Variants in FBXL18 observed in about 807,000 individuals in gnomAD.
The protein encoded by FBXL18 is F-box and leucine rich repeat protein 18, also known as F-box/LRR-repeat protein 18.
In FBXL18, 36 loss-of-function variants were observed where a neutral mutation model predicts 46.0. The observed-to-expected ratio is 0.78, with a 90% CI of 0.60 to 1.03. The LOEUF is 1.03. FBXL18 is among the 50% of genes least tolerant of loss of function. The pLI, the probability that FBXL18 is intolerant of heterozygous loss-of-function variation, is 0.00. For synonymous variants in FBXL18, 557 were observed against 465.3 expected, an observed-to-expected ratio of 1.20 and a Z score of -2.54; for missense variants, 977 against 1,004.1, an observed-to-expected ratio of 0.97 and a Z score of 0.36.
intron 3 of FBXL18, among the ~76,000 whole-genome samples, chr7:5,498,080 C>CT (rs767982897): frequency 0.014 from 1,882 of 139,014 alleles, 35 homozygotes; most frequent in African/African-American, 0.036. Context: ...TTTCTTTTTA[C>CT]TTTTTTTTTT....
chr7:5,459,328 C>G (rs1174573439), intron 4 of FBXL18, among the ~76,000 whole-genome samples: 2 of 151,942 alleles, frequency 1.3e-5, no homozygotes, highest in Non-Finnish European at 2.9e-5. Flanking sequence ...GGGGGCCGGG[C>G]GTGGTGGTTC....
At chr7:5,475,334 T>A (rs1449689811), downstream of FBXL18, among the ~76,000 whole-genome samples, 6 of 151,856 alleles carry the variant, frequency 4.0e-5, no homozygotes, top group Non-Finnish European at 8.8e-5. The surrounding 1 kb of genome is among the most constrained non-coding windows in gnomAD (Gnocchi z 4.2). Flanking sequence ...AAAATAATAA[T>A]AAAATAAAAT....
chr7:5,491,867 G>T (rs1315915146), intron 3 of FBXL18, among the ~76,000 whole-genome samples: 1 of 152,164 alleles, frequency 6.6e-6, no homozygotes, highest in African/African-American at 2.4e-5. Flanking sequence ...AGCTCAGCTG[G>T]ACAGGGAGGC....
rs1373439680 is a variant in FBXL18 at position 5,501,091 on chromosome 7, G to A, written c.1178C>T (p.Ala393Val). ...CAGGCCCTCCGAGCTGTGGTGGTGG[G>A]CGGCCGAGAGGTTCAGGTGGCGCAG... ...CNLRHLNLSA[A>V]HHHSSEGLGR... is the part of the protein sequence containing the mutation. The change falls in exon 3 of 5, where the codon GCC becomes GTC. Residue 393 changes from alanine to valine, a missense_variant. Ala to Val is a moderately conservative substitution (Grantham distance 64, BLOSUM62 0). Coordinates refer to ENST00000382368, the MANE Select transcript of FBXL18 (RefSeq NM_024963.6). 7 of 1,612,172 alleles carry A rather than the reference G, an allele frequency of 4.3e-6. No homozygotes were observed. The Admixed American group carries it at 6.7e-5, about 15-fold the overall frequency.
chr7:5,508,702 G>A (rs1348293156), intron 1 of FBXL18, among the ~76,000 whole-genome samples: 1 of 152,028 alleles, frequency 6.6e-6, no homozygotes, highest in Non-Finnish European at 1.5e-5. Flanking sequence ...TCCCAAATCA[G>A]GGACAACCTT....
chr7:5,454,740 G>A (rs1030032624), intron 4 of FBXL18, among the ~76,000 whole-genome samples: 2 of 152,166 alleles, frequency 1.3e-5, no homozygotes, highest in Admixed American at 1.3e-4. Flanking sequence ...GCCGAGGACA[G>A]GGACACCCTC....
intron 4 of FBXL18, among the ~76,000 whole-genome samples, chr7:5,463,729 T>TTTTTTTTTA (rs1783296711): frequency 9.9e-5 from 1 of 10,064 alleles, no homozygotes; most frequent in Admixed American, 9.9e-4. Context: ...TATTTATTTA[T>TTTTTTTTTA]TTTTTTTTTT....
At chr7:5,505,276 G>T in intron 2 of FBXL18, 136 bp downstream of exon 2, 2 of 775,048 alleles carry the variant, frequency 2.6e-6, no homozygotes, top group South Asian at 1.8e-5. Flanking sequence ...AATGCATCCT[G>T]CAGACGGCGC....
chr7:5,456,105 C>G (rs916406605), intron 4 of FBXL18, among the ~76,000 whole-genome samples: 4 of 152,166 alleles, frequency 2.6e-5, no homozygotes, highest in Admixed American at 2.0e-4. Flanking sequence ...ACTGGCAACT[C>G]CTGCTCCCAC....
intron 1 of FBXL18, among the ~76,000 whole-genome samples, chr7:5,510,683 C>T (rs1784510259): frequency 7.0e-6 from 1 of 143,066 alleles, no homozygotes; most frequent in African/African-American, 2.7e-5. Context: ...GAGATCCTGT[C>T]TCCAAAAAAA....
At chr7:5,498,332 C>T (rs1332318121) in intron 3 of FBXL18, among the ~76,000 whole-genome samples, 4 of 152,168 alleles carry the variant, frequency 2.6e-5, no homozygotes, top group Middle Eastern at 3.2e-3. Context: ...ATGATCCACC[C>T]GCCTCGGCCT....
chr7:5,482,313 C>A (rs1584202651), intron 4 of FBXL18, among the ~76,000 whole-genome samples: 1 of 152,210 alleles, frequency 6.6e-6, no homozygotes, highest in African/African-American at 2.4e-5. Context: ...CCCACGGAAG[C>A]CCCACGGCCA....
chr7:5,493,027 G>A (rs1783971282), intron 3 of FBXL18, among the ~76,000 whole-genome samples: 2 of 152,126 alleles, frequency 1.3e-5, no homozygotes, highest in African/African-American at 4.8e-5. Flanking sequence ...TTCTTCCCTG[G>A]TAGGTGACAC....
intron 4 of FBXL18, among the ~76,000 whole-genome samples, chr7:5,466,432 G>A (rs1422520154): frequency 1.3e-5 from 2 of 152,114 alleles, no homozygotes; most frequent in African/African-American, 4.8e-5. Flanking sequence ...TTGGCTGGAG[G>A]GAGGACCTCA....
chr7:5,489,195 G>A, intron 4 of FBXL18: 1 of 512,680 alleles, frequency 2.0e-6, no homozygotes, highest in South Asian at 1.4e-5. Flanking sequence ...ATCACTTAGG[G>A]CTTTATTTAC....
At chr7:5,464,688 A>G (rs904108058) in intron 4 of FBXL18, among the ~76,000 whole-genome samples, 1 of 123,746 alleles carries the variant, frequency 8.1e-6, no homozygotes, top group Non-Finnish European at 1.7e-5. Flanking sequence ...AAAAAACACT[A>G]AGATGGTTAA....
At chr7:5,488,310 A>G (rs1584212289) in intron 4 of FBXL18, among the ~76,000 whole-genome samples, 1 of 152,166 alleles carries the variant, frequency 6.6e-6, no homozygotes, top group Admixed American at 6.6e-5. Context: ...GCCACGTCCA[A>G]CCGACCCGCC....
intron 4 of FBXL18, chr7:5,489,891 G>T: frequency 1.1e-6 from 1 of 878,404 alleles, no homozygotes; most frequent in Non-Finnish European, 1.6e-6. Context: ...GTTGCAGTGA[G>T]CTGAGATCCC....
chr7:5,509,940 G>A (rs989839247), intron 1 of FBXL18, among the ~76,000 whole-genome samples: 1 of 151,942 alleles, frequency 6.6e-6, no homozygotes, highest in African/African-American at 2.4e-5. Context: ...CTTAGCTTCC[G>A]GAGACAACTT....
Sources: allele counts gnomAD v4.1 joint callset (sites outside exome capture counted in the v4.1 genomes callset), GRCh38; gene constraint gnomAD v4.1.1; non-coding constraint Gnocchi (gnomAD v3.1); transcripts MANE v1.5; gene names NCBI Gene and HGNC (gene_info 2026-07-23, HGNC 2026-07-21).